SFR1: variants seen among roughly 807,000 people sequenced by gnomAD.
SFR1 encodes swi5-dependent recombination DNA repair protein 1 homolog.
A neutral mutation model predicts 26.2 loss-of-function variants in SFR1; 24 were observed. That is an observed-to-expected ratio of 0.92 (90% CI 0.66 to 1.29). The LOEUF (loss-of-function observed/expected upper bound fraction) is 1.29, where lower values mean the gene tolerates loss of function less well. SFR1 is among the 50% of genes most tolerant of loss of function. The pLI is 0.00. For missense variants in SFR1, 276 were observed against 270.2 expected (o/e 1.02, Z -0.15); for synonymous variants, 77 against 96.6 (o/e 0.80, Z 1.19).
Position 104,123,770 on chromosome 10 carries a change from C to T in SFR1, c.192C>T (p.Ser64=), listed in dbSNP as rs776136531. 4 of 1,609,336 alleles carry T rather than the reference C, an allele frequency of 2.5e-6. No individual in the cohort carries two copies. ...RLRKTRFSFN[S]SYNVVKRLKV... ...GGAAAACAAGATTTTCATTTAATTCCTCTTACAATGTGGTGAAACGTCTTA... is the reference window on the plus strand; with the variant it reads ...GGAAAACAAGATTTTCATTTAATTCTTCTTACAATGTGGTGAAACGTCTTA... Residue 64 remains serine, a synonymous_variant, in exon 3 of 4, where the codon TCC becomes TCT. Coordinates refer to ENST00000369727, the MANE Select transcript of SFR1 (RefSeq NM_001002759.2).
chr10:104,124,807 ATTCT>A (rs1368498001), intron 3 of SFR1, among the ~76,000 whole-genome samples: 3 of 152,066 alleles, frequency 2.0e-5, no homozygotes, highest in African/African-American at 7.2e-5. Context: ...TTATTTATTC[ATTCT>A]TTTTTTAGAG....
chr10:104,125,544 A>C lies in SFR1; in HGVS notation c.578A>C (p.Lys193Thr). 2 of 1,612,322 alleles carry C rather than the reference A, an allele frequency of 1.2e-6. No individual in the cohort carries two copies. The highest frequency in any genetic ancestry group is 2.2e-5 in the South Asian group (2 of 90,750). ...NDLSQLQLLI[K>T]KWRSCSQLLL... ...CTGTCTCAGTTACAGTTGTTAATAA[A>C]GAAGTGGAGAAGCTGTAGCCAGCTC... Residue 193 changes from lysine to threonine, a missense_variant, in exon 4 of 4, where the codon AAG (lysine) becomes ACG (threonine). Coordinates refer to ENST00000369727, the MANE Select transcript of SFR1 (RefSeq NM_001002759.2).
rs748120859 is a variant in SFR1 at position 104,125,580 on chromosome 10, A to G, written c.614A>G (p.Glu205Gly). 1.2e-6 allele frequency: 2 copies of G among 1,613,686 alleles called. No homozygotes were observed. The highest frequency in any genetic ancestry group is 2.7e-5 in the African/African-American group (2 of 74,908). ...AGCTGTAGCCAGCTCTTGCTTTATG[A>G]GTTGCAGTCAGCTGTGTCTGAAGAG... ...WRSCSQLLLY[E>G]LQSAVSEENK... Residue 205 changes from glutamate (E) to glycine (G), a missense_variant, in exon 4 of 4, where the codon GAG becomes GGG. Transcript: ENST00000369727.
At chr10:104,123,377 T>C (rs2086988868) in intron 2 of SFR1, 1 of 385,114 alleles carries the variant, frequency 2.6e-6, no homozygotes, top group Non-Finnish European at 4.6e-6. Flanking sequence ...TGAAGGTCTT[T>C]AGTGGCAGAG....
chr10:104,122,575 G>A (rs558936197), intron 1 of SFR1: 1 of 985,398 alleles, frequency 1.0e-6, no homozygotes, highest in South Asian at 4.7e-5. Context: ...TGACATTCAG[G>A]TCCTATTGTT....
At chr10:104,120,398 T>A (rs1185379355), upstream of SFR1, among the ~76,000 whole-genome samples, 3 of 152,222 alleles carry the variant, frequency 2.0e-5, no homozygotes, top group East Asian at 1.9e-4. Flanking sequence ...TATGTAATTT[T>A]AAAAAATTTT....
upstream of SFR1, among the ~76,000 whole-genome samples, chr10:104,121,595 G>A (rs550941027): frequency 1.3e-5 from 2 of 152,314 alleles, no homozygotes; most frequent in East Asian, 3.9e-4. Flanking sequence ...AATCTAACAT[G>A]CAGCCAGCCG....
At chr10:104,124,254 A>G in intron 3 of SFR1, 130 bp downstream of exon 3, 2 of 795,500 alleles carry the variant, frequency 2.5e-6, no homozygotes, top group Non-Finnish European at 3.7e-6. Context: ...CCTGGCTTCC[A>G]ACAGCTTTAA....
chr10:104,125,537 T>C lies in SFR1; in HGVS notation c.571T>C (p.Leu191=). 6.2e-7 allele frequency: 1 copy of C among 1,612,410 alleles called. No individual in the cohort carries two copies. Among genetic ancestry groups the C allele is most frequent in the Non-Finnish European group, 8.5e-7 (1 of 1,179,464 alleles). ...GAATGATCTGTCTCAGTTACAGTTG[T>C]TAATAAAGAAGTGGAGAAGCTGTAG... ...SKNDLSQLQL[L]IKKWRSCSQL... The change falls in exon 4 of 4, where the codon TTA becomes CTA. Residue 191 remains leucine (L), a synonymous_variant. Transcript: ENST00000369727.
upstream of SFR1, chr10:104,122,073 G>A (rs965465716): frequency 1.4e-5 from 19 of 1,314,200 alleles, no homozygotes; most frequent in African/African-American, 2.4e-4. Flanking sequence ...CGCCTCGCGC[G>A]TCAGGCAATC....
upstream of SFR1, among the ~76,000 whole-genome samples, chr10:104,121,520 T>C (rs765524596): frequency 5.3e-5 from 8 of 152,290 alleles, no homozygotes; most frequent in Middle Eastern, 3.4e-3. Flanking sequence ...CACGCTGGAA[T>C]AGGCTGGAAC....
upstream of SFR1, among the ~76,000 whole-genome samples, chr10:104,120,323 A>C (rs2086949584): frequency 6.6e-6 from 1 of 152,240 alleles, no homozygotes; most frequent in South Asian, 2.1e-4. Context: ...TGGTGAGGTG[A>C]GTAACACCTT....
At chr10:104,120,741 A>C (rs1263049549), upstream of SFR1, among the ~76,000 whole-genome samples, 1 of 152,200 alleles carries the variant, frequency 6.6e-6, no homozygotes, top group South Asian at 2.1e-4. Context: ...CCTCATTAAG[A>C]AGCACATAAA....
intron 3 of SFR1, 26 bp downstream of exon 3, chr10:104,124,150 A>G (rs375301442): frequency 6.9e-7 from 1 of 1,458,334 alleles, no homozygotes; most frequent in Non-Finnish European, 9.1e-7. Context: ...GGACCATTGC[A>G]TAATTTTTAT....
Position 104,125,654 on chromosome 10 carries a change from G to A in SFR1, c.688G>A (p.Asp230Asn). The A allele has an allele frequency of 6.2e-7, 1 of 1,611,518 alleles. No homozygotes were observed. Among genetic ancestry groups the A allele is most frequent in the South Asian group, 1.1e-5 (1 of 90,920 alleles). ...ATTGATAGACCACTATGGGTTAGAT[G>A]ATAAATTACTACACTATAACAGAAG... Reference protein sequence around the residue: ...TQLIDHYGLDDKLLHYNRSEE... With the variant: ...TQLIDHYGLDNKLLHYNRSEE... Residue 230 changes from aspartate (D) to asparagine (N), a missense_variant, in exon 4 of 4, where the codon GAT becomes AAT. Transcript: ENST00000369727.
chr10:104,122,072 C>T (rs1237720124), upstream of SFR1: 7 of 1,296,808 alleles, frequency 5.4e-6, no homozygotes, highest in African/African-American at 3.0e-5. Context: ...GCGCCTCGCG[C>T]GTCAGGCAAT....
upstream of SFR1, among the ~76,000 whole-genome samples, chr10:104,121,829 G>T (rs1458089825): frequency 1.3e-5 from 2 of 152,208 alleles, no homozygotes; most frequent in Non-Finnish European, 2.9e-5. Flanking sequence ...CTCAGGATTG[G>T]TTTAACATTC....
Position 104,124,056 on chromosome 10 carries a change from G to T in SFR1, c.478G>T (p.Val160Leu), listed in dbSNP as rs768666267. ...QRLNAEKAKL[V>L]KQVQEKEDLL... The stretch of plus-strand genomic sequence containing the variant: ...ATTAAACGCTGAAAAAGCCAAATTG[G>T]TGAAGCAGGTTCAGGAGAAAGAAGA... The change falls in exon 3 of 4, where the codon GTG (valine) becomes TTG (leucine). Residue 160 changes from valine to leucine, a missense_variant. Coordinates refer to ENST00000369727, the MANE Select transcript of SFR1 (RefSeq NM_001002759.2). 3 of 1,613,784 alleles carry T rather than the reference G, an allele frequency of 1.9e-6. No homozygotes were observed. Among genetic ancestry groups the T allele is most frequent in the Non-Finnish European group, 2.5e-6 (3 of 1,179,914 alleles).
rs1332338428 is a variant in SFR1 at position 104,125,544 on chromosome 10, A to G, written c.578A>G (p.Lys193Arg). The stretch of plus-strand genomic sequence containing the variant: ...CTGTCTCAGTTACAGTTGTTAATAA[A>G]GAAGTGGAGAAGCTGTAGCCAGCTC... The part of the protein sequence containing the change: ...NDLSQLQLLI[K>R]KWRSCSQLLL... Residue 193 changes from lysine to arginine, a missense_variant, in exon 4 of 4, where the codon AAG becomes AGG. By Grantham distance (26) the Lys-to-Arg change is conservative (BLOSUM62 2). Transcript: ENST00000369727. 1 of 1,612,322 alleles carries G rather than the reference A, an allele frequency of 6.2e-7. No individual in the cohort carries two copies. The highest frequency in any genetic ancestry group is 8.5e-7 in the Non-Finnish European group (1 of 1,179,464).
Sources: gnomAD v4.1 joint callset for allele counts (sites outside exome capture counted in the v4.1 genomes callset) on GRCh38, gnomAD v4.1.1 for gene constraint, MANE v1.5 for transcripts, NCBI Gene and HGNC (gene_info 2026-07-23, HGNC 2026-07-21) for gene names.